The following PROM1 variants were observed in gnomAD, a reference collection of about 807,000 sequenced individuals.
PROM1 encodes prominin-1.
Under a neutral mutation model 116.9 loss-of-function variants are expected in PROM1, and 105 were observed. The ratio of observed to expected loss-of-function variants is 0.90; its 90% CI spans 0.77 to 1.06. The LOEUF is 1.06. Ranked by LOEUF, PROM1 falls within the 50% of genes least tolerant of loss-of-function variation. PROM1 has a pLI of 0.00. For missense variants in PROM1, 1,122 were observed against 1,045.2 expected (o/e 1.07, Z -1.01); for synonymous variants, 393 against 387.0 (o/e 1.02, Z -0.18).
intron 26 of PROM1, among the ~76,000 whole-genome samples, chr4:15,978,047 A>G (rs1357681308): frequency 1.3e-5 from 2 of 152,154 alleles, no homozygotes; most frequent in Non-Finnish European, 2.9e-5. Flanking sequence ...GCCCTTAGAG[A>G]ATAGACCCCA....
At chr4:15,987,038 C>T (rs777730701) in intron 20 of PROM1, among the ~76,000 whole-genome samples, 248 of 152,326 alleles carry the variant, frequency 1.6e-3, no homozygotes, top group Non-Finnish European at 2.5e-3. Flanking sequence ...ATTAGCTGTT[C>T]AGGATTATTG....
chr4:16,064,072 T>C (rs1036512832), intron 2 of PROM1, among the ~76,000 whole-genome samples: 3 of 152,190 alleles, frequency 2.0e-5, no homozygotes, highest in Non-Finnish European at 4.4e-5. Context: ...GCAGTATTAC[T>C]AGAGATGAAA....
intron 22 of PROM1, 82 bp from the exon 23 acceptor site, chr4:15,984,437 TTGGTGTC>T: frequency 9.7e-7 from 1 of 1,034,162 alleles, no homozygotes; most frequent in Admixed American, 3.0e-5. Flanking sequence ...TACTTTTGAC[TTGGTGTC>T]ACAAAAAGGA....
intron 17 of PROM1, 93 bp from the exon 18 acceptor site, chr4:15,991,386 T>G: frequency 1.2e-6 from 1 of 830,966 alleles, no homozygotes; most frequent in African/African-American, 1.8e-5. Flanking sequence ...CATGGATTCA[T>G]AACCATAAAG....
chr4:16,008,897 G>A (rs1246933169), intron 12 of PROM1, 52 bp downstream of exon 12: 35 of 1,472,412 alleles, frequency 2.4e-5, no homozygotes, highest in Non-Finnish European at 3.0e-5. Context: ...TTTTTATCTC[G>A]TTCTCTACAA....
chr4:15,989,792 T>A lies in PROM1; in HGVS notation c.2016A>T (p.Arg672Ser), dbSNP rs377712580. 2 of 1,609,344 alleles carry A rather than the reference T, an allele frequency of 1.2e-6. No individual in the cohort carries two copies. The highest frequency in any genetic ancestry group is 1.7e-6 in the Non-Finnish European group (2 of 1,177,422). The part of the protein sequence containing the change: ...PPGNLRNSLK[R>S]DAQTIKTIHQ... ...GAATTGTTTTAATAGTTTGTGCATC[T>A]CTTTTCAGGGAGTTCCTCAAATTTC... The change falls in exon 19 of 28, where the codon AGA becomes AGT. Residue 672 changes from arginine to serine, a missense_variant. Physicochemically the swap from Arg to Ser is moderately radical, Grantham distance 110. Coordinates refer to ENST00000447510, the MANE Select transcript of PROM1 (RefSeq NM_006017.3).
intron 15 of PROM1, among the ~76,000 whole-genome samples, chr4:15,997,175 G>T (rs565431048): frequency 1.3e-5 from 2 of 150,372 alleles, no homozygotes; most frequent in South Asian, 4.3e-4. Flanking sequence ...CTGAGCAAAA[G>T]CAGACACTAC....
chr4:16,011,318 C>T (rs1305133573), intron 11 of PROM1, among the ~76,000 whole-genome samples: 1 of 152,140 alleles, frequency 6.6e-6, no homozygotes, highest in Admixed American at 6.5e-5. Context: ...GGCTAAAGGA[C>T]AAGCAGAACT....
chr4:16,006,599 T>C lies in PROM1; in HGVS notation c.1393A>G (p.Arg465Gly), dbSNP rs1329144987. The change falls in exon 13 of 28, where the codon AGG (arginine) becomes GGG (glycine). Residue 465 changes from arginine to glycine, a missense_variant. Arg to Gly is a moderately radical substitution (Grantham distance 125, BLOSUM62 -2). Transcript: ENST00000447510. Reference sequence around the variant, plus strand: ...CCTCGGGTGGTCGGGGTGGCATGCCTGTCATAGCCGCACACGCCACACAGT... The same window carrying C: ...CCTCGGGTGGTCGGGGTGGCATGCCCGTCATAGCCGCACACGCCACACAGT... ...GLLCGVCGYD[R>G]HATPTTRGCV... The C allele has an allele frequency of 3.1e-6, 5 of 1,608,726 alleles. No individual in the cohort carries two copies. Among genetic ancestry groups the C allele is most frequent in the Admixed American group, 1.7e-5 (1 of 59,236 alleles).
In PROM1 at chr4:15,987,496, C is replaced by G. The variant is rs181526244; in HGVS notation, c.2130+167G>C. On this transcript the variant is annotated intron_variant, in intron 20 of 27. Transcript: ENST00000447510. ...GATGAGGTCTGCACTTAGAGAAGTA[C>G]TTGTAGAAAGGAAATAGTAGGAAAG... Among the ~76,000 whole-genome samples, 230 of 152,006 alleles carry G rather than the reference C, an allele frequency of 1.5e-3. 1 individual carries two copies. Among genetic ancestry groups the G allele is most frequent in the African/African-American group, 5.3e-3 (221 of 41,430 alleles).
intron 7 of PROM1, 121 bp from the exon 8 acceptor site, chr4:16,023,536 C>T (rs767727366): frequency 1.4e-6 from 1 of 725,360 alleles, no homozygotes. Flanking sequence ...CATCCTGGAC[C>T]CTGTCTAGGG....
At chr4:16,013,132 G>T in intron 11 of PROM1, 143 bp downstream of exon 11, 1 of 664,260 alleles carries the variant, frequency 1.5e-6, no homozygotes, top group Non-Finnish European at 2.6e-6. Flanking sequence ...TGACACAATT[G>T]TAAAGCTCTG....
intron 15 of PROM1, among the ~76,000 whole-genome samples, chr4:15,997,949 C>T (rs1327278427): frequency 2.0e-5 from 3 of 152,180 alleles, no homozygotes; most frequent in Admixed American, 6.5e-5. Flanking sequence ...AGGAGGGGGC[C>T]GGGGTCAGAG....
intron 13 of PROM1, among the ~76,000 whole-genome samples, chr4:16,005,634 G>A (rs1446696641): frequency 1.3e-5 from 2 of 152,000 alleles, no homozygotes; most frequent in East Asian, 3.8e-4. Flanking sequence ...TCACAGCCCC[G>A]TGCTAGTGAC....
intron 15 of PROM1, 83 bp from the exon 16 acceptor site, chr4:15,994,154 T>C: frequency 6.3e-7 from 1 of 1,586,302 alleles, no homozygotes; most frequent in African/African-American, 1.3e-5. Context: ...GGAGAAAGGC[T>C]CACTGTTTCT....
intron 9 of PROM1, among the ~76,000 whole-genome samples, chr4:16,017,297 G>A (rs2677786): frequency 0.89 from 135,054 of 152,160 alleles, 60,322 homozygotes; most frequent in Non-Finnish European, 0.94. Context: ...GGATCCATGC[G>A]TTCATCTTGC....
At chr4:16,001,053 G>A (rs1172117686) in intron 13 of PROM1, among the ~76,000 whole-genome samples, 3 of 152,242 alleles carry the variant, frequency 2.0e-5, no homozygotes, top group Non-Finnish European at 4.4e-5. Flanking sequence ...AGACTGGACA[G>A]GTGCCAACGT....
chr4:15,998,629 T>A, intron 14 of PROM1, 141 bp from the exon 15 acceptor site: 4 of 852,352 alleles, frequency 4.7e-6, no homozygotes, highest in Non-Finnish European at 6.5e-6. Flanking sequence ...AACTTATAAC[T>A]AGAAAATAAT....
At chr4:16,021,000 G>A (rs903132850) in intron 8 of PROM1, among the ~76,000 whole-genome samples, 2 of 150,464 alleles carry the variant, frequency 1.3e-5, no homozygotes, top group Non-Finnish European at 2.9e-5. Context: ...TATAGGTCCT[G>A]ATCTGCAGTC....
Sources: allele counts gnomAD v4.1 joint callset (sites outside exome capture counted in the v4.1 genomes callset), GRCh38; gene constraint gnomAD v4.1.1; transcripts MANE v1.5; gene names NCBI Gene and HGNC (gene_info 2026-07-23, HGNC 2026-07-21).